The following PTER variants were observed in gnomAD, a reference collection of about 807,000 sequenced individuals.
PTER encodes N-acetyltaurine hydrolase.
Under a neutral mutation model 29.6 loss-of-function variants are expected in PTER, and 38 were observed. The observed-to-expected ratio is 1.28, with a 90% CI of 0.99 to 1.68. The LOEUF is 1.68. Ranked by LOEUF, PTER falls within the 40% of genes most tolerant of loss-of-function variation. The pLI is 0.00. For synonymous variants in PTER, 172 were observed against 154.5 expected, an observed-to-expected ratio of 1.11 and a Z score of -0.84; for missense variants, 482 against 427.8, an observed-to-expected ratio of 1.13 and a Z score of -1.12.
At chr10:16,477,508 G>T (rs1456367373) in intron 1 of PTER, among the ~76,000 whole-genome samples, 1 of 152,150 alleles carries the variant, frequency 6.6e-6, no homozygotes, top group Non-Finnish European at 1.5e-5. Context: ...CATTGTGCAA[G>T]TATAGCTTTC....
chr10:16,509,177 T>C (rs1564412776), intron 4 of PTER, among the ~76,000 whole-genome samples: 1 of 152,198 alleles, frequency 6.6e-6, no homozygotes, highest in Non-Finnish European at 1.5e-5. Flanking sequence ...GTAACTCCTG[T>C]TCTTCCATAT....
intron 1 of PTER, among the ~76,000 whole-genome samples, chr10:16,438,185 T>C (rs772196386): frequency 2.8e-4 from 43 of 151,964 alleles, no homozygotes; most frequent in Non-Finnish European, 5.4e-4. Flanking sequence ...TTTGTATTTT[T>C]AGTAGAGACG....
rs117741357 is a variant in PTER at position 16,503,820 on chromosome 10, C to T, written c.699-1200C>T. ...CTCACAAACTGCTGGGATTGAGCCACCGCACCCTGCCACAAAGTAGTGCTT... is the reference window on the plus strand; with the variant it reads ...CTCACAAACTGCTGGGATTGAGCCATCGCACCCTGCCACAAAGTAGTGCTT... On this transcript the variant is annotated intron_variant, in intron 3 of 4. Coordinates refer to ENST00000535784, the MANE Select transcript of PTER (RefSeq NM_001261836.2). Among the ~76,000 whole-genome samples, 1,422 of 152,314 alleles carry T rather than the reference C, an allele frequency of 9.3e-3. 9 individuals are homozygous for T. Among genetic ancestry groups the T allele is most frequent in the Admixed American group, 0.018 (275 of 15,300 alleles).
At chr10:16,508,003 C>A (rs1215220916) in intron 4 of PTER, among the ~76,000 whole-genome samples, 1 of 151,874 alleles carries the variant, frequency 6.6e-6, no homozygotes, top group Admixed American at 6.6e-5. Flanking sequence ...TTCACAATCT[C>A]AAAAACATGA....
chr10:16,516,965 G>T (rs553751715), downstream of PTER, among the ~76,000 whole-genome samples: 1 of 152,112 alleles, frequency 6.6e-6, no homozygotes, highest in Non-Finnish European at 1.5e-5. Context: ...GCATGATTTT[G>T]GTATGGCTGC....
At chr10:16,507,459 A>AT (rs1340535339) in intron 4 of PTER, among the ~76,000 whole-genome samples, 1 of 152,112 alleles carries the variant, frequency 6.6e-6, no homozygotes, top group African/African-American at 2.4e-5. Context: ...TTGAGAAGTG[A>AT]TGTCCAGGAA....
rs188250735 is a variant in PTER, at chr10:16,486,691, A to G, written c.698+74A>G. On this transcript the variant is annotated intron_variant, in intron 3 of 4. Transcript: ENST00000535784. ...CATGATCAAATTAAGAATCTACAGT[A>G]ATCAGTCAATGCAATACTAATCACG... 30 of 1,467,218 alleles carry G rather than the reference A, an allele frequency of 2.0e-5. No homozygotes were observed. In the Admixed American group the frequency reaches 5.2e-4, roughly 25 times the overall value. The allele number at this position is 1,467,218 out of a possible 1,614,324, so 90.9% of individuals were successfully genotyped here.
intron 1 of PTER, among the ~76,000 whole-genome samples, chr10:16,470,172 A>T (rs542552684): frequency 3.9e-5 from 6 of 152,108 alleles, no homozygotes; most frequent in Non-Finnish European, 8.8e-5. Flanking sequence ...AAGTTTCTTA[A>T]CTTTTCTTGG....
At chr10:16,470,705 T>A (rs1350175409) in intron 1 of PTER, among the ~76,000 whole-genome samples, 1 of 152,080 alleles carries the variant, frequency 6.6e-6, no homozygotes, top group Non-Finnish European at 1.5e-5. Context: ...AAGGTGGAGG[T>A]TGCAGTGAGC....
At chr10:16,514,981 A>G (rs544762907), downstream of PTER, among the ~76,000 whole-genome samples, 1 of 152,132 alleles carries the variant, frequency 6.6e-6, no homozygotes. Context: ...CATACAATTT[A>G]TTATCTTCCT....
chr10:16,465,580 G>A (rs1180855005), intron 1 of PTER, among the ~76,000 whole-genome samples: 1 of 152,164 alleles, frequency 6.6e-6, no homozygotes, highest in African/African-American at 2.4e-5. Context: ...ACATAGGTTT[G>A]CTTGTGGCTG....
chr10:16,484,620 C>G lies in PTER; in HGVS notation c.236C>G (p.Ala79Gly). ...ENLQLNQETE[A>G]IKEELLYFKA... is the part of the protein sequence containing the mutation. ...CTTCAATTAAATCAGGAGACAGAAG[C>G]CATAAAGGAAGAACTGTTGTATTTT... Residue 79 changes from alanine (A) to glycine (G), a missense_variant, in exon 2 of 5, where the codon GCC (alanine) becomes GGC (glycine). Coordinates refer to ENST00000535784, the MANE Select transcript of PTER (RefSeq NM_001261836.2). The G allele has an allele frequency of 6.2e-7, 1 of 1,613,976 alleles. No individual in the cohort carries two copies. Among genetic ancestry groups the G allele is most frequent in the South Asian group, 1.1e-5 (1 of 91,066 alleles).
At chr10:16,504,468 A>C (rs1836484059) in intron 3 of PTER, among the ~76,000 whole-genome samples, 2 of 152,204 alleles carry the variant, frequency 1.3e-5, no homozygotes, top group South Asian at 4.1e-4. Flanking sequence ...CCTTCAAGAA[A>C]ATGTGGGAAT....
At chr10:16,459,633 T>G (rs902677170) in intron 1 of PTER, among the ~76,000 whole-genome samples, 1 of 152,216 alleles carries the variant, frequency 6.6e-6, no homozygotes, top group African/African-American at 2.4e-5. Flanking sequence ...TAATTATGAC[T>G]CAAACTAGTT....
At chr10:16,482,016 G>C (rs945582514) in intron 1 of PTER, among the ~76,000 whole-genome samples, 2 of 152,170 alleles carry the variant, frequency 1.3e-5, no homozygotes, top group African/African-American at 4.8e-5. Flanking sequence ...GTGCCTGGCA[G>C]CTGTGTGGTG....
intron 1 of PTER, among the ~76,000 whole-genome samples, chr10:16,460,960 A>G (rs1330086519): frequency 6.6e-6 from 1 of 152,126 alleles, no homozygotes; most frequent in Non-Finnish European, 1.5e-5. Flanking sequence ...CAGGTGATCC[A>G]CCTGCTTCAG....
At chr10:16,440,030 C>T (rs1833790260) in intron 1 of PTER, among the ~76,000 whole-genome samples, 1 of 149,368 alleles carries the variant, frequency 6.7e-6, no homozygotes, top group African/African-American at 2.5e-5. Flanking sequence ...GCTGTTGTTT[C>T]TAGTGTATTT....
intron 1 of PTER, among the ~76,000 whole-genome samples, chr10:16,477,295 G>GATAGATAA (rs560568755): frequency 0.028 from 4,027 of 143,502 alleles, 89 homozygotes; most frequent in East Asian, 0.075. Flanking sequence ...TAGATAGATA[G>GATAGATAA]ATAGATGGAT....
intron 1 of PTER, among the ~76,000 whole-genome samples, chr10:16,449,055 T>C (rs1834111074): frequency 1.3e-5 from 2 of 152,074 alleles, no homozygotes; most frequent in East Asian, 1.9e-4. Context: ...AATAGGAGAG[T>C]TGAACAGGGA....
Sources: gnomAD v4.1 joint callset for allele counts (sites outside exome capture counted in the v4.1 genomes callset) on GRCh38, gnomAD v4.1.1 for gene constraint, MANE v1.5 for transcripts, NCBI Gene and HGNC (gene_info 2026-07-23, HGNC 2026-07-21) for gene names.